Variants in BTAF1 observed in about 807,000 individuals in gnomAD.
The protein encoded by BTAF1 is TATA-binding protein-associated factor 172.
Under a neutral mutation model 227.1 loss-of-function variants are expected in BTAF1, and 38 were observed. The observed-to-expected ratio is 0.17, with a 90% CI of 0.13 to 0.22. The LOEUF is 0.22. Among genes scored for constraint, BTAF1 ranks in the 10% least tolerant of loss-of-function variants. BTAF1 has a pLI of 1.00. For missense variants in BTAF1, 1,598 were observed against 2,204.0 expected, an observed-to-expected ratio of 0.73 and a Z score of 5.51; for synonymous variants, 742 against 751.9, an observed-to-expected ratio of 0.99 and a Z score of 0.21.
At chr10:91,932,103 T>C (rs1844310389) in intron 1 of BTAF1, among the ~76,000 whole-genome samples, 1 of 152,156 alleles carries the variant, frequency 6.6e-6, no homozygotes, top group Non-Finnish European at 1.5e-5. Context: ...ACTGTGTGTC[T>C]GTGGGACAGT....
intron 25 of BTAF1, among the ~76,000 whole-genome samples, chr10:92,004,139 AGATTTAT>A (rs1375650362): frequency 6.6e-6 from 1 of 152,028 alleles, no homozygotes; most frequent in African/African-American, 2.4e-5. Context: ...CCTCTTATCA[AGATTTAT>A]GGTTCGCAAA....
At chr10:91,986,175 A>G (rs969460757) in intron 19 of BTAF1, among the ~76,000 whole-genome samples, 1 of 152,174 alleles carries the variant, frequency 6.6e-6, no homozygotes, top group African/African-American at 2.4e-5. Context: ...TCTTACAGAT[A>G]TCTAATTTTT....
Position 91,989,446 on chromosome 10 carries a change from A to T in BTAF1, c.2720A>T (p.Gln907Leu), listed in dbSNP as rs1351922476. 1.2e-6 allele frequency: 2 copies of T among 1,614,150 alleles called. No homozygotes were observed. The highest frequency in any genetic ancestry group is 3.3e-5 in the Admixed American group (2 of 60,024). ...AAQCIAKLLQ[Q>L]CTTRTPCPNS... is the part of the protein sequence containing the mutation. ...CAGTGCATAGCTAAACTCCTTCAGC[A>T]GTGCACAACAAGGACGCCCTGTCCC... The change falls in exon 20 of 38, where the codon CAG becomes CTG. Residue 907 changes from glutamine to leucine, a missense_variant. Physicochemically the swap from Gln to Leu is moderately radical, Grantham distance 113 (BLOSUM62 -2). Transcript: ENST00000265990.
At chr10:91,941,996 G>C (rs1204117924) in intron 3 of BTAF1, among the ~76,000 whole-genome samples, 1 of 152,100 alleles carries the variant, frequency 6.6e-6, no homozygotes, top group South Asian at 2.1e-4. Flanking sequence ...ATTACTATCC[G>C]GGTACAGTGG....
intron 2 of BTAF1, among the ~76,000 whole-genome samples, chr10:91,937,940 T>G (rs1478934419): frequency 6.6e-6 from 1 of 152,244 alleles, no homozygotes; most frequent in African/African-American, 2.4e-5. Flanking sequence ...CAATACTTCT[T>G]GACTGACTTT....
chr10:92,014,826 A>T (rs1359424745), intron 32 of BTAF1, among the ~76,000 whole-genome samples: 2 of 152,226 alleles, frequency 1.3e-5, no homozygotes. Context: ...CATAGAGTGT[A>T]CTTACACACA....
intron 15 of BTAF1, 64 bp from the exon 16 acceptor site, chr10:91,981,579 A>G (rs1848065402): frequency 3.4e-6 from 5 of 1,463,758 alleles, no homozygotes; most frequent in Non-Finnish European, 3.6e-6. Flanking sequence ...ATTCCTAAAG[A>G]TAAGTGTTAG....
Position 92,009,088 on chromosome 10 carries a change from C to T in BTAF1, c.3983C>T (p.Pro1328Leu). 1 of 1,614,090 alleles carries T rather than the reference C, an allele frequency of 6.2e-7. No homozygotes were observed. The highest frequency in any genetic ancestry group is 8.5e-7 in the Non-Finnish European group (1 of 1,179,990). ...AAATTAGCAGAATGTATGCCACTTC[C>T]TTCCTTAGTGGTTTGTCCGCCAACA... is the stretch of plus-strand genomic sequence containing the variant. ...RSKLAECMPL[P>L]SLVVCPPTLT... Residue 1328 changes from proline to leucine, a missense_variant, in exon 28 of 38, where the codon CCT (proline) becomes CTT (leucine). This residue lies in a region of BTAF1 where 184 missense variants were observed against 341.1 expected (regional missense o/e 0.54). Transcript: ENST00000265990.
chr10:92,020,317 G>A (rs1851038206), intron 34 of BTAF1, among the ~76,000 whole-genome samples: 1 of 152,002 alleles, frequency 6.6e-6, no homozygotes, highest in African/African-American at 2.4e-5. Context: ...TCTTGGTGTT[G>A]CTTTTAAAAA....
chr10:91,971,238 A>G (rs1847278530), intron 14 of BTAF1, among the ~76,000 whole-genome samples: 1 of 152,134 alleles, frequency 6.6e-6, no homozygotes, highest in Non-Finnish European at 1.5e-5. Flanking sequence ...TCTTCAGCGT[A>G]TCTCTTTACT....
intron 16 of BTAF1, 54 bp from the exon 17 acceptor site, chr10:91,982,029 C>T (rs1848099690): frequency 1.3e-6 from 2 of 1,548,084 alleles, no homozygotes; most frequent in Non-Finnish European, 1.7e-6. Context: ...TTGTTGTTGC[C>T]TATTCAGTTT....
intron 14 of BTAF1, among the ~76,000 whole-genome samples, chr10:91,970,285 A>T (rs894385473): frequency 1.3e-5 from 2 of 152,102 alleles, no homozygotes; most frequent in African/African-American, 4.8e-5. Context: ...TTAGTGTGAG[A>T]TTCTGTGCTG....
chr10:91,942,374 C>A, intron 3 of BTAF1, 48 bp from the exon 4 acceptor site: 2 of 1,512,002 alleles, frequency 1.3e-6, no homozygotes, highest in Admixed American at 1.7e-5. Flanking sequence ...TTCTTTCATT[C>A]CACACTTTGG....
chr10:91,992,179 C>T lies in BTAF1; in HGVS notation c.2915C>T (p.Thr972Ile), dbSNP rs773505934. 6.8e-6 allele frequency: 11 copies of T among 1,613,860 alleles called. No individual in the cohort carries two copies. Among genetic ancestry groups the T allele is most frequent in the East Asian group, 2.2e-5 (1 of 44,864 alleles). Reference sequence around the variant, plus strand: ...GTCACCAAGCACAGAGGTATAATTACACTCTACAGGCACCAGAAAGCTGCC... The same window carrying T: ...GTCACCAAGCACAGAGGTATAATTATACTCTACAGGCACCAGAAAGCTGCC... ...HTVTKHRGII[T>I]LYRHQKAAFA... Residue 972 changes from threonine to isoleucine, a missense_variant, in exon 21 of 38, where the codon ACA (threonine) becomes ATA (isoleucine). By Grantham distance (89) the Thr-to-Ile change is moderately conservative. This residue lies in a region of BTAF1 where 425 missense variants were observed against 491.2 expected (regional missense o/e 0.87). Coordinates refer to ENST00000265990, the MANE Select transcript of BTAF1 (RefSeq NM_003972.3).
Position 92,029,326 on chromosome 10 carries a change from T to C in BTAF1, c.*393T>C, listed in dbSNP as rs1851740554. ...TTTTAAATAGAACTTGTTTTTATAA[T>C]TGATTTAAAATAGGGCTTTTTTTCT... On this transcript the variant is annotated 3_prime_UTR_variant, in exon 38 of 38. Coordinates refer to ENST00000265990, the MANE Select transcript of BTAF1 (RefSeq NM_003972.3). 6.5e-6 allele frequency: 1 copy of C among 153,416 alleles called. No homozygotes were observed. The highest frequency in any genetic ancestry group is 6.5e-5 in the Admixed American group (1 of 15,276). The allele number at this position is 153,416 out of a possible 1,614,324, so 9.5% of individuals were successfully genotyped here. A position where few individuals can be genotyped will look rare whatever the true frequency, so the allele number is the denominator to read the frequency against.
Position 92,010,410 on chromosome 10 carries a change from T to G in BTAF1, c.4104-663T>G, listed in dbSNP as rs570718671. On this transcript the variant is annotated intron_variant, in intron 28 of 37. Transcript: ENST00000265990. ...TAGCTTAAGCAAACAGAAAATTCAT[T>G]AATTCACTAACTTGAGAATTTCAGG... is the stretch of plus-strand genomic sequence containing the variant. Among the ~76,000 whole-genome samples the G allele has an allele frequency of 4.3e-4, 65 of 152,356 alleles. 4 individuals are homozygous for G. In the South Asian group the frequency reaches 0.01, roughly 24 times the overall value.
chr10:91,959,088 A>G lies in BTAF1; in HGVS notation c.924A>G (p.Gly308=), dbSNP rs1446834132. 1.2e-6 allele frequency: 2 copies of G among 1,614,092 alleles called. No individual in the cohort carries two copies. The highest frequency in any genetic ancestry group is 1.7e-6 in the Non-Finnish European group (2 of 1,179,968). The change falls in exon 9 of 38, where the codon GGA becomes GGG. Residue 308 remains glycine, a synonymous_variant. Transcript: ENST00000265990. ...SWEVRHGAGT[G]LREILKAHGK... ...AGGTTCGACATGGTGCAGGCACTGG[A>G]CTTAGGGAAATTCTTAAAGCTCATG... is the stretch of plus-strand genomic sequence containing the variant.
At chr10:91,987,057 G>A (rs536101268) in intron 19 of BTAF1, among the ~76,000 whole-genome samples, 1 of 149,578 alleles carries the variant, frequency 6.7e-6, no homozygotes, top group African/African-American at 2.5e-5. Flanking sequence ...CTTCTTTTAG[G>A]CATTTTTACT....
chr10:91,968,400 G>A (rs906133061), intron 14 of BTAF1, among the ~76,000 whole-genome samples: 6 of 151,966 alleles, frequency 3.9e-5, no homozygotes, highest in Non-Finnish European at 5.9e-5. Flanking sequence ...TTTTTATCAC[G>A]GAATGATACT....
Sources: allele counts gnomAD v4.1 joint callset (sites outside exome capture counted in the v4.1 genomes callset), GRCh38; gene constraint gnomAD v4.1.1; regional missense constraint gnomAD v4.1.1; transcripts MANE v1.5; gene names NCBI Gene and HGNC (gene_info 2026-07-23, HGNC 2026-07-21).